The following DNM3 variants were observed in gnomAD, a reference collection of about 807,000 sequenced individuals.
DNM3 encodes the protein dynamin-3.
In DNM3, 47 loss-of-function variants were observed where a neutral mutation model predicts 101.6. The ratio of observed to expected loss-of-function variants is 0.46; its 90% CI spans 0.37 to 0.59. DNM3 has a LOEUF of 0.59. DNM3 is among the 20% of genes least tolerant of loss of function. DNM3 has a pLI of 0.00. For synonymous variants in DNM3, 385 were observed against 387.9 expected, an observed-to-expected ratio of 0.99 and a Z score of 0.09; for missense variants, 849 against 1,085.7, an observed-to-expected ratio of 0.78 and a Z score of 3.06.
intron 12 of DNM3, among the ~76,000 whole-genome samples, chr1:172,086,406 A>C (rs774792977): frequency 6.6e-6 from 1 of 152,322 alleles, no homozygotes; most frequent in East Asian, 1.9e-4. Context: ...AATATAAAAG[A>C]ACAGTCTAAA....
At chr1:171,939,322 T>C (rs1355951344) in intron 2 of DNM3, among the ~76,000 whole-genome samples, 1 of 152,182 alleles carries the variant, frequency 6.6e-6, no homozygotes, top group Non-Finnish European at 1.5e-5. Flanking sequence ...AATGAAGAAA[T>C]AATATATTTC....
intron 2 of DNM3, among the ~76,000 whole-genome samples, chr1:171,955,517 A>G (rs1271621405): frequency 1.3e-5 from 2 of 152,184 alleles, no homozygotes; most frequent in African/African-American, 4.8e-5. Flanking sequence ...TAAATGGTAC[A>G]ATGTGGTCAA....
intron 14 of DNM3, among the ~76,000 whole-genome samples, chr1:172,177,595 G>A (rs2059199715): frequency 6.6e-6 from 1 of 151,812 alleles, no homozygotes; most frequent in African/African-American, 2.4e-5. Context: ...TGCCTTGTGG[G>A]GGCTTAGAAA....
At chr1:171,894,155 A>G (rs963079241) in intron 1 of DNM3, among the ~76,000 whole-genome samples, 1 of 150,360 alleles carries the variant, frequency 6.7e-6, no homozygotes, top group Middle Eastern at 3.2e-3. Flanking sequence ...CCGGGGTTTT[A>G]CCATGTTGGC....
At chr1:172,193,099 G>A (rs912959317) in intron 14 of DNM3, among the ~76,000 whole-genome samples, 1 of 151,804 alleles carries the variant, frequency 6.6e-6, no homozygotes, top group African/African-American at 2.4e-5. Context: ...TCTCATTGTG[G>A]TTTTGATTTG....
At chr1:172,349,223 C>A (rs1275463107) in intron 17 of DNM3, among the ~76,000 whole-genome samples, 1 of 152,186 alleles carries the variant, frequency 6.6e-6, no homozygotes, top group Non-Finnish European at 1.5e-5. Flanking sequence ...GGTTTTGAAT[C>A]CTTGCTATTA....
chr1:172,053,428 A>T (rs1394046440), intron 10 of DNM3, among the ~76,000 whole-genome samples: 1 of 151,988 alleles, frequency 6.6e-6, no homozygotes, highest in Non-Finnish European at 1.5e-5. Context: ...CTCCCTTTTT[A>T]GTGCTTCTGT....
chr1:172,063,549 A>G (rs1191158161), intron 10 of DNM3, among the ~76,000 whole-genome samples: 1 of 152,100 alleles, frequency 6.6e-6, no homozygotes, highest in East Asian at 1.9e-4. Flanking sequence ...TGAATTAAAT[A>G]TTGAAGGTTT....
intron 1 of DNM3, among the ~76,000 whole-genome samples, chr1:171,913,647 G>C (rs531373628): frequency 6.8e-4 from 103 of 152,224 alleles, no homozygotes; most frequent in African/African-American, 2.4e-3. Context: ...CTTGGAGCAG[G>C]GGGTGGGCAG....
chr1:172,234,682 A>T (rs578032332), intron 14 of DNM3, among the ~76,000 whole-genome samples: 24 of 152,254 alleles, frequency 1.6e-4, no homozygotes, highest in Non-Finnish European at 2.8e-4. Context: ...GTACCAAAAC[A>T]GAGATATAGA....
chr1:171,906,127 ATTTT>A (rs767499060), intron 1 of DNM3, among the ~76,000 whole-genome samples: 2 of 131,384 alleles, frequency 1.5e-5, no homozygotes, highest in Admixed American at 7.7e-5. Flanking sequence ...GTTCAATTGC[ATTTT>A]TTTTTTTTTT....
rs1352034984 is a variant in DNM3, at chr1:172,379,069, T to C, written c.1945T>C (p.Leu649=). 1.9e-6 allele frequency: 3 copies of C among 1,612,378 alleles called. No individual in the cohort carries two copies. The highest frequency in any genetic ancestry group is 1.1e-5 in the South Asian group (1 of 90,972). ...AGAAAACTTTTCCATGGACCCACAA[T>C]TGGAGAGGCAAGTGGAGACCATTCG... ...QAENFSMDPQ[L]ERQVETIRNL... Residue 649 remains leucine, a synonymous_variant, in exon 18 of 21, where the codon TTG becomes CTG. Transcript: ENST00000627582.
At chr1:171,871,457 C>T (rs910345865) in intron 1 of DNM3, among the ~76,000 whole-genome samples, 8 of 152,150 alleles carry the variant, frequency 5.3e-5, no homozygotes, top group South Asian at 2.1e-4. Context: ...ATAATTTCAC[C>T]TACCTGAATG....
intron 2 of DNM3, among the ~76,000 whole-genome samples, chr1:171,938,329 A>G (rs993940879): frequency 2.6e-5 from 4 of 152,068 alleles, no homozygotes; most frequent in African/African-American, 9.7e-5. Flanking sequence ...AAACTATCCT[A>G]CTGAAATCCC....
chr1:172,308,675 A>G, intron 15 of DNM3, 53 bp from the exon 16 acceptor site: 1 of 949,744 alleles, frequency 1.1e-6, no homozygotes, highest in Non-Finnish European at 1.5e-6. Flanking sequence ...ACATAAAATG[A>G]CTTTGAATTT....
At chr1:172,414,360 A>G (rs567219207), downstream of DNM3, among the ~76,000 whole-genome samples, 1 of 152,388 alleles carries the variant, frequency 6.6e-6, no homozygotes, top group Admixed American at 6.5e-5. Context: ...TAAGTTTTAC[A>G]TACACATACA....
intron 20 of DNM3, among the ~76,000 whole-genome samples, chr1:172,389,894 G>T (rs1176160675): frequency 6.6e-6 from 1 of 152,184 alleles, no homozygotes; most frequent in Admixed American, 6.5e-5. Flanking sequence ...GCAAGAATAG[G>T]CAGGAGATTT....
intron 14 of DNM3, among the ~76,000 whole-genome samples, chr1:172,226,692 A>C (rs2148588055): frequency 6.6e-6 from 1 of 152,290 alleles, no homozygotes; most frequent in South Asian, 2.1e-4. Context: ...TACAATAAGC[A>C]CTCAACCAAT....
At chr1:172,063,882 TTATAA>T (rs1224926719) in intron 10 of DNM3, among the ~76,000 whole-genome samples, 1 of 152,206 alleles carries the variant, frequency 6.6e-6, no homozygotes, top group Non-Finnish European at 1.5e-5. Context: ...AGTTTCACTA[TTATAA>T]TATAAGCATC....
Sources: gnomAD v4.1 joint callset for allele counts (sites outside exome capture counted in the v4.1 genomes callset) on GRCh38, gnomAD v4.1.1 for gene constraint, MANE v1.5 for transcripts, NCBI Gene and HGNC (gene_info 2026-07-23, HGNC 2026-07-21) for gene names.